TECRL: variants seen among roughly 807,000 people sequenced by gnomAD.
TECRL encodes the protein trans-2,3-enoyl-CoA reductase-like.
A neutral mutation model predicts 52.8 loss-of-function variants in TECRL; 63 were observed. The observed-to-expected ratio is 1.19, with a 90% CI of 0.97 to 1.47. The LOEUF (loss-of-function observed/expected upper bound fraction) is 1.47. Among genes scored for constraint, TECRL ranks in the 40% most tolerant of loss-of-function variants. The pLI is 0.00. For missense variants in TECRL, 482 were observed against 429.6 expected, an observed-to-expected ratio of 1.12 and a Z score of -1.08; for synonymous variants, 164 against 141.9, an observed-to-expected ratio of 1.16 and a Z score of -1.10.
intron 8 of TECRL, 82 bp from the exon 9 acceptor site, chr4:64,289,849 CTG>C (rs1723282552): frequency 1.2e-6 from 1 of 820,124 alleles, no homozygotes; most frequent in African/African-American, 1.8e-5. Flanking sequence ...TATATAAAAT[CTG>C]TGTTGTACAT....
At chr4:64,345,717 T>G (rs1231693644) in intron 2 of TECRL, among the ~76,000 whole-genome samples, 4 of 151,146 alleles carry the variant, frequency 2.6e-5, no homozygotes, top group African/African-American at 9.7e-5. Context: ...AAAAAAGAAG[T>G]TAAAGGTTTT....
intron 2 of TECRL, among the ~76,000 whole-genome samples, chr4:64,353,399 T>C (rs1186112830): frequency 1.3e-5 from 2 of 152,134 alleles, no homozygotes; most frequent in Non-Finnish European, 1.5e-5. Context: ...CTATTATAGG[T>C]ATACAGATTA....
chr4:64,350,531 G>A (rs181316207), intron 2 of TECRL, among the ~76,000 whole-genome samples: 1 of 152,080 alleles, frequency 6.6e-6, no homozygotes, highest in African/African-American at 2.4e-5. Flanking sequence ...TTTATTCTTG[G>A]CAAGTTTTTA....
At chr4:64,317,890 C>T (rs2110019281) in intron 4 of TECRL, among the ~76,000 whole-genome samples, 1 of 152,176 alleles carries the variant, frequency 6.6e-6, no homozygotes, top group East Asian at 1.9e-4. Flanking sequence ...TCATATGAGC[C>T]TGATAAGAAC....
chr4:64,276,340 T>A (rs1017812926), downstream of TECRL: 2 of 151,888 alleles, frequency 1.3e-5, no homozygotes, highest in African/African-American at 4.8e-5. Context: ...AGGATGAGAG[T>A]GTTAACTCTG....
At chr4:64,395,856 T>G (rs1723909897) in intron 1 of TECRL, among the ~76,000 whole-genome samples, 1 of 152,174 alleles carries the variant, frequency 6.6e-6, no homozygotes, top group Non-Finnish European at 1.5e-5. Context: ...CCCCAGTGTC[T>G]ATTGTTCCCT....
chr4:64,296,032 T>C (rs183610872), intron 8 of TECRL, among the ~76,000 whole-genome samples: 99 of 152,108 alleles, frequency 6.5e-4, no homozygotes, highest in African/African-American at 2.3e-3. Flanking sequence ...TACTAGACTT[T>C]GTTTTCAGTC....
At chr4:64,352,378 A>G (rs1720461415) in intron 2 of TECRL, among the ~76,000 whole-genome samples, 1 of 152,146 alleles carries the variant, frequency 6.6e-6, no homozygotes, top group African/African-American at 2.4e-5. Flanking sequence ...AGAGAGGAAT[A>G]GATAGATAGA....
chr4:64,351,261 T>C (rs1255444745), intron 2 of TECRL, among the ~76,000 whole-genome samples: 1 of 140,508 alleles, frequency 7.1e-6, no homozygotes, highest in African/African-American at 2.6e-5. Context: ...AAAAACTGTG[T>C]ATTGTATATT....
intron 2 of TECRL, among the ~76,000 whole-genome samples, chr4:64,358,073 T>C (rs1403748748): frequency 1.4e-5 from 2 of 147,340 alleles, no homozygotes; most frequent in Admixed American, 1.4e-4. Flanking sequence ...AATTACTAGG[T>C]CTGTGAATAT....
chr4:64,353,794 C>A (rs1273531906), intron 2 of TECRL, among the ~76,000 whole-genome samples: 3 of 82,166 alleles, frequency 3.7e-5, no homozygotes, highest in Non-Finnish European at 1.0e-4. Context: ...TGAGAGCACA[C>A]CAGAAATAAA....
intron 8 of TECRL, among the ~76,000 whole-genome samples, chr4:64,292,372 C>T (rs1313757940): frequency 1.3e-5 from 2 of 151,862 alleles, no homozygotes; most frequent in South Asian, 2.1e-4. Context: ...CATAATAAAA[C>T]ATGAGATGCT....
At chr4:64,383,559 T>C (rs1453432752) in intron 1 of TECRL, among the ~76,000 whole-genome samples, 1 of 151,972 alleles carries the variant, frequency 6.6e-6, no homozygotes, top group Non-Finnish European at 1.5e-5. Context: ...TCCATTGTAT[T>C]TTTATTTAAT....
chr4:64,279,387 T>G lies in TECRL; in HGVS notation c.*685A>C, dbSNP rs1184877066. On this transcript the variant is annotated 3_prime_UTR_variant, in exon 12 of 12. Coordinates refer to ENST00000381210, the MANE Select transcript of TECRL (RefSeq NM_001010874.5). ...GAGTAGCTGGGACTACCTACTGGCA[T>G]GTGCCACCACGCCCAGCTAATTTTT... 1 of 152,166 alleles carries G rather than the reference T, an allele frequency of 6.6e-6. No individual in the cohort carries two copies. The highest frequency in any genetic ancestry group is 1.5e-5 in the Non-Finnish European group (1 of 68,064). The allele number at this position is 152,166 out of a possible 1,614,324, so 9.4% of individuals were successfully genotyped here.
intron 1 of TECRL, among the ~76,000 whole-genome samples, chr4:64,380,656 G>C (rs916743541): frequency 1.3e-5 from 2 of 151,954 alleles, no homozygotes; most frequent in African/African-American, 4.8e-5. Context: ...TATTAAAGAA[G>C]TTGTCTTTTC....
chr4:64,396,880 A>G (rs1268646609), intron 1 of TECRL, among the ~76,000 whole-genome samples: 4 of 152,138 alleles, frequency 2.6e-5, no homozygotes, highest in African/African-American at 7.2e-5. Context: ...ATGGTTAGCC[A>G]GTTATTCCAG....
intron 4 of TECRL, among the ~76,000 whole-genome samples, chr4:64,317,404 G>GAA (rs1189202120): frequency 1.4e-5 from 2 of 145,770 alleles, no homozygotes; most frequent in African/African-American, 2.5e-5. Flanking sequence ...GTTTTATCTT[G>GAA]AAAAAAAAAA....
chr4:64,322,771 T>A lies in TECRL; in HGVS notation c.353A>T (p.Tyr118Phe). The A allele has an allele frequency of 6.2e-7, 1 of 1,607,104 alleles. No homozygotes were observed. Among genetic ancestry groups the A allele is most frequent in the South Asian group, 1.1e-5 (1 of 88,930 alleles). The part of the protein sequence containing the change: ...LECGGPFLKD[Y>F]ITIQSIAASS... ...AGCTGCAATACTTTGAATGGTAATGTAGTCCTTCAAAAAAGGCCCGCCTAA... is the reference window on the plus strand; with the variant it reads ...AGCTGCAATACTTTGAATGGTAATGAAGTCCTTCAAAAAAGGCCCGCCTAA... Residue 118 changes from tyrosine (Y) to phenylalanine (F), a missense_variant, in exon 4 of 12, where the codon TAC (tyrosine) becomes TTC (phenylalanine). By Grantham distance (22) the Tyr-to-Phe change is conservative. Transcript: ENST00000381210.
At chr4:64,375,363 T>C (rs541196913) in intron 1 of TECRL, 140 bp from the exon 2 acceptor site, 5 of 446,118 alleles carry the variant, frequency 1.1e-5, no homozygotes, top group African/African-American at 6.3e-5. Context: ...TAGTGATTAC[T>C]ATTTTGACAA....
Sources: gnomAD v4.1 joint callset for allele counts (sites outside exome capture counted in the v4.1 genomes callset) on GRCh38, gnomAD v4.1.1 for gene constraint, MANE v1.5 for transcripts, NCBI Gene and HGNC (gene_info 2026-07-23, HGNC 2026-07-21) for gene names.